Variants in GLB1L3 observed in about 807,000 individuals in gnomAD.
The protein encoded by GLB1L3 is galactosidase beta 1 like 3, also known as beta-galactosidase-1-like protein 3.
Under a neutral mutation model 89.5 loss-of-function variants are expected in GLB1L3, and 89 were observed. The ratio of observed to expected loss-of-function variants is 0.99; its 90% CI spans 0.84 to 1.19. GLB1L3 has a LOEUF of 1.19. Among genes scored for constraint, GLB1L3 ranks in the 50% most tolerant of loss-of-function variants. GLB1L3 has a pLI of 0.00. For missense variants in GLB1L3, 812 were observed against 813.3 expected (o/e 1.00, Z 0.02); for synonymous variants, 314 against 312.3 (o/e 1.01, Z -0.06).
In GLB1L3 at chr11:134,312,351, A is replaced by G. The variant is rs778632295; in HGVS notation, c.1290A>G (p.Pro430=). The G allele has an allele frequency of 1.2e-5, 19 of 1,613,360 alleles. No homozygotes were observed. Among genetic ancestry groups the G allele is most frequent in the Admixed American group, 1.2e-4 (7 of 59,998 alleles). ...GCTCTTGCCATTTCTCCTCATAGCC[A>G]GTCAGGTCGCGTCAGCCCGTCAACA... ...LWDALSYLNE[P]VRSRQPVNME... is the part of the protein sequence containing the mutation. The change falls in exon 14 of 20, where the codon CCA becomes CCG. Residue 430 remains proline (P), a splice_region_variant and synonymous_variant. Transcript: ENST00000431683.
At chr11:134,283,524 G>A (rs10894792) in intron 5 of GLB1L3, among the ~76,000 whole-genome samples, 1 of 152,118 alleles carries the variant, frequency 6.6e-6, no homozygotes, top group East Asian at 1.9e-4. Flanking sequence ...TGCCTTGGAG[G>A]TGGAGGCGGC....
chr11:134,285,089 C>T (rs777663550), intron 6 of GLB1L3, among the ~76,000 whole-genome samples: 11 of 151,944 alleles, frequency 7.2e-5, no homozygotes, highest in Non-Finnish European at 1.3e-4. Flanking sequence ...CCACCATGCC[C>T]GGCTAACTTT....
rs761159002 is a variant in GLB1L3, at chr11:134,282,111, G to C, written c.518G>C (p.Gly173Ala). 1 of 1,565,268 alleles carries C rather than the reference G, an allele frequency of 6.4e-7. No individual in the cohort carries two copies. Among genetic ancestry groups the C allele is most frequent in the Non-Finnish European group, 8.7e-7 (1 of 1,152,016 alleles). Residue 173 changes from glycine (G) to alanine (A), a missense_variant, in exon 5 of 20, where the codon GGC becomes GCC. Around this residue, in one of 3 missense-constraint regions of GLB1L3, gnomAD observed 618 missense variants for 604.0 expected, o/e 1.02. Coordinates refer to ENST00000431683, the MANE Select transcript of GLB1L3 (RefSeq NM_001080407.3). ...ATCTGCAGTGAGATGGACCTCGGGGGCTTGCCCAGGTAAGCGGGGCTACAG... is the reference window on the plus strand; with the variant it reads ...ATCTGCAGTGAGATGGACCTCGGGGCCTTGCCCAGGTAAGCGGGGCTACAG... ...RYICSEMDLG[G>A]LPSWLLQDPR... is the part of the protein sequence containing the mutation.
intron 10 of GLB1L3, among the ~76,000 whole-genome samples, chr11:134,308,351 CACCACT>C (rs1200518561): frequency 3.1e-4 from 11 of 35,092 alleles, no homozygotes; most frequent in Non-Finnish European, 5.1e-4. Context: ...TCATCACCAT[CACCACT>C]ACCACCACCA....
chr11:134,301,350 G>C (rs1941941892), intron 9 of GLB1L3, among the ~76,000 whole-genome samples: 3 of 152,128 alleles, frequency 2.0e-5, no homozygotes, highest in Admixed American at 1.3e-4. Flanking sequence ...GTTTCCTTCT[G>C]AGTAAATGTA....
At chr11:134,298,032 A>G (rs1591560649) in intron 9 of GLB1L3, among the ~76,000 whole-genome samples, 1 of 151,402 alleles carries the variant, frequency 6.6e-6, no homozygotes, top group Non-Finnish European at 1.5e-5. Context: ...TTCTACTTCC[A>G]TGGTTTCTGA....
chr11:134,282,017 C>T lies in GLB1L3; in HGVS notation c.432-8C>T. 6.4e-7 allele frequency: 1 copy of T among 1,560,952 alleles called. No individual in the cohort carries two copies. The highest frequency in any genetic ancestry group is 8.7e-7 in the Non-Finnish European group (1 of 1,148,852). ...CGTGGGAGGGGCTGACGATGTGGACCTCCCTAGGGCCTTCGTCCTGATGGC... is the reference window on the plus strand; with the variant it reads ...CGTGGGAGGGGCTGACGATGTGGACTTCCCTAGGGCCTTCGTCCTGATGGC... On this transcript the variant is annotated splice_polypyrimidine_tract_variant and splice_region_variant and intron_variant, in intron 4 of 19. Transcript: ENST00000431683.
chr11:134,306,793 A>C (rs1942224866), intron 9 of GLB1L3, among the ~76,000 whole-genome samples: 1 of 152,276 alleles, frequency 6.6e-6, no homozygotes, highest in Non-Finnish European at 1.5e-5. Flanking sequence ...CTACATAAGG[A>C]ATTGCGGTCA....
chr11:134,313,531 C>A, intron 16 of GLB1L3, 57 bp downstream of exon 16: 3 of 1,303,798 alleles, frequency 2.3e-6, no homozygotes, highest in Non-Finnish European at 3.2e-6. Context: ...CCGGGCTATG[C>A]ACTGGAGTCG....
intron 3 of GLB1L3, among the ~76,000 whole-genome samples, chr11:134,279,622 T>C (rs1021486642): frequency 2.6e-5 from 4 of 152,178 alleles, no homozygotes; most frequent in Admixed American, 6.5e-5. Flanking sequence ...TGCCTCGGCC[T>C]CCCAAAGTGC....
At chr11:134,321,112 A>G (rs752206769), downstream of GLB1L3, among the ~76,000 whole-genome samples, 3 of 152,238 alleles carry the variant, frequency 2.0e-5, no homozygotes, top group Non-Finnish European at 4.4e-5. Context: ...CGTTAACTCC[A>G]TAGAAATAGA....
intron 10 of GLB1L3, among the ~76,000 whole-genome samples, chr11:134,307,765 C>G (rs1942268105): frequency 6.6e-6 from 1 of 152,174 alleles, no homozygotes. Context: ...TTCATGCAGG[C>G]TTCCTTCATT....
chr11:134,299,664 A>G (rs1565404950), intron 9 of GLB1L3, among the ~76,000 whole-genome samples: 1 of 151,778 alleles, frequency 6.6e-6, no homozygotes, highest in African/African-American at 2.4e-5. Flanking sequence ...TTGCTTGCGG[A>G]TCTCTCAGCT....
At chr11:134,278,686 C>T (rs1342331165) in intron 3 of GLB1L3, among the ~76,000 whole-genome samples, 1 of 152,200 alleles carries the variant, frequency 6.6e-6, no homozygotes, top group Non-Finnish European at 1.5e-5. Context: ...CCATCACACT[C>T]ACTGTAAAGG....
chr11:134,310,119 G>A, intron 11 of GLB1L3: 2 of 396,282 alleles, frequency 5.0e-6, no homozygotes, highest in Non-Finnish European at 4.6e-6. Context: ...CCCGTTGAAG[G>A]GGTGTCCACT....
intron 17 of GLB1L3, 101 bp downstream of exon 17, chr11:134,314,129 G>T: frequency 1.2e-6 from 1 of 861,192 alleles, no homozygotes. Context: ...GAGACTGAGT[G>T]ATGTACTCCA....
chr11:134,312,548 G>A, intron 14 of GLB1L3, 59 bp downstream of exon 14: 1 of 1,587,578 alleles, frequency 6.3e-7, no homozygotes, highest in Non-Finnish European at 8.5e-7. Flanking sequence ...CATGCTGTCG[G>A]GCAGGGTAGT....
chr11:134,312,978 C>G, intron 15 of GLB1L3, 91 bp downstream of exon 15: 1 of 904,694 alleles, frequency 1.1e-6, no homozygotes, highest in Non-Finnish European at 1.8e-6. Context: ...CCTTCTCCAC[C>G]CCTGCTGCTG....
intron 3 of GLB1L3, among the ~76,000 whole-genome samples, chr11:134,278,313 TTC>T (rs1246147347): frequency 6.6e-6 from 1 of 152,104 alleles, no homozygotes; most frequent in East Asian, 1.9e-4. Context: ...CAGTTTGTTG[TTC>T]TGTTTGTTGC....
Sources: allele counts gnomAD v4.1 joint callset (sites outside exome capture counted in the v4.1 genomes callset), GRCh38; gene constraint gnomAD v4.1.1; regional missense constraint gnomAD v4.1.1; transcripts MANE v1.5; gene names NCBI Gene and HGNC (gene_info 2026-07-23, HGNC 2026-07-21).